Variants in DSG3 observed in about 807,000 individuals in gnomAD.
The protein encoded by DSG3 is desmoglein 3, also known as desmoglein-3.
In DSG3, 63 loss-of-function variants were observed where a neutral mutation model predicts 85.9. The ratio of observed to expected loss-of-function variants is 0.73; its 90% CI spans 0.60 to 0.90. The LOEUF is 0.90. Among genes scored for constraint, DSG3 ranks in the 40% least tolerant of loss-of-function variants. The pLI, the probability that DSG3 is intolerant of heterozygous loss-of-function variation, is 0.00. For synonymous variants in DSG3, 447 were observed against 441.9 expected (o/e 1.01, Z -0.14); for missense variants, 1,220 against 1,219.9 (o/e 1.00, Z 0.00).
chr18:31,475,632 T>G lies in DSG3; in HGVS notation c.2386-14T>G, dbSNP rs773438952. 1.2e-6 allele frequency: 2 copies of G among 1,601,724 alleles called. No individual in the cohort carries two copies. The highest frequency in any genetic ancestry group is 2.2e-5 in the South Asian group (2 of 89,212). On this transcript the variant is annotated splice_polypyrimidine_tract_variant and intron_variant, in intron 15 of 15. Transcript: ENST00000257189. ...TCTTAAAATTCATTTTTTCCCACTT[T>G]TTCTCTGTCTTAGAAAGCATTTGCC...
chr18:31,458,535 G>A lies in DSG3; in HGVS notation c.307G>A (p.Asp103Asn). ...DQPPFGIFVV[D>N]KNTGDINITA... Reference sequence around the variant, plus strand: ...GCCGCCTTTTGGAATCTTTGTTGTTGACAAAAACACTGGAGATATTAACAT... The same window carrying A: ...GCCGCCTTTTGGAATCTTTGTTGTTAACAAAAACACTGGAGATATTAACAT... Residue 103 changes from aspartate (D) to asparagine (N), a missense_variant, in exon 4 of 16, where the codon GAC (aspartate) becomes AAC (asparagine). By Grantham distance (23) the Asp-to-Asn change is conservative. Coordinates refer to ENST00000257189, the MANE Select transcript of DSG3 (RefSeq NM_001944.3). 2.5e-6 allele frequency: 4 copies of A among 1,613,994 alleles called. No homozygotes were observed. The highest frequency in any genetic ancestry group is 3.4e-6 in the Non-Finnish European group (4 of 1,179,938).
At chr18:31,469,436 G>A in intron 12 of DSG3, 87 bp downstream of exon 12, 1 of 1,522,380 alleles carries the variant, frequency 6.6e-7, no homozygotes, top group Non-Finnish European at 8.8e-7. Flanking sequence ...TGTGCAATGG[G>A]GAAAGAATAT....
intron 1 of DSG3, among the ~76,000 whole-genome samples, chr18:31,448,911 G>A (rs923546937): frequency 6.6e-6 from 1 of 151,992 alleles, no homozygotes; most frequent in Non-Finnish European, 1.5e-5. Flanking sequence ...TTTTGTTTTT[G>A]TTTTTGTTTT....
rs772960249 is a variant in DSG3, at chr18:31,460,848, C to T, written c.700C>T (p.Arg234Cys). 6.3e-6 allele frequency: 10 copies of T among 1,580,678 alleles called. No homozygotes were observed. Among genetic ancestry groups the T allele is most frequent in the South Asian group, 2.4e-5 (2 of 83,702 alleles). Reference sequence around the variant, plus strand: ...CCAAAATTAGCAAGCTAGCAGCTATCGTCTGGTTGTGAGTGGTGCAGACAA... The same window carrying T: ...CCAAAATTAGCAAGCTAGCAGCTATTGTCTGGTTGTGAGTGGTGCAGACAA... The part of the protein sequence containing the change: ...SLDREQASSY[R>C]LVVSGADKDG... Residue 234 changes from arginine (R) to cysteine (C), a missense_variant, in exon 7 of 16, where the codon CGT (arginine) becomes TGT (cysteine). By Grantham distance (180) the Arg-to-Cys change is radical. Coordinates refer to ENST00000257189, the MANE Select transcript of DSG3 (RefSeq NM_001944.3).
At chr18:31,450,617 T>C (rs2072705970) in intron 1 of DSG3, among the ~76,000 whole-genome samples, 1 of 152,192 alleles carries the variant, frequency 6.6e-6, no homozygotes, top group African/African-American at 2.4e-5. Flanking sequence ...TGACCATACA[T>C]GGGTTGCCCA....
chr18:31,469,064 G>A (rs752630114), intron 11 of DSG3, 25 bp from the exon 12 acceptor site: 2 of 1,608,824 alleles, frequency 1.2e-6, no homozygotes, highest in South Asian at 1.1e-5. Flanking sequence ...TCCTACTGTT[G>A]ATTTGCATGA....
intron 8 of DSG3, among the ~76,000 whole-genome samples, chr18:31,462,169 C>T (rs2072790781): frequency 6.6e-6 from 1 of 152,032 alleles, no homozygotes; most frequent in Non-Finnish European, 1.5e-5. Context: ...ACCTCCCAGG[C>T]CCCAGTGATC....
rs1221811040 is a variant in DSG3 at position 31,475,935 on chromosome 18, A to C, written c.2675A>C (p.Gln892Pro). 3.1e-6 allele frequency: 5 copies of C among 1,614,128 alleles called. No individual in the cohort carries two copies. Among genetic ancestry groups the C allele is most frequent in the Non-Finnish European group, 4.2e-6 (5 of 1,180,062 alleles). Residue 892 changes from glutamine (Q) to proline (P), a missense_variant, in exon 16 of 16, where the codon CAG becomes CCG. By Grantham distance (76) the Gln-to-Pro change is moderately conservative. Transcript: ENST00000257189. Reference sequence around the variant, plus strand: ...TGTGGCCATCCCATAGAAGTCCAGCAGACAGGATTTGTTAAGTGCCAGACT... The same window carrying C: ...TGTGGCCATCCCATAGAAGTCCAGCCGACAGGATTTGTTAAGTGCCAGACT... ...ESCGHPIEVQ[Q>P]TGFVKCQTLS...
intron 4 of DSG3, 92 bp from the exon 5 acceptor site, chr18:31,458,941 T>C: frequency 1.4e-6 from 2 of 1,426,864 alleles, no homozygotes; most frequent in Non-Finnish European, 1.9e-6. Context: ...ACAAAAGTGA[T>C]GTCCATGCCA....
rs774536240 is a variant in DSG3, at chr18:31,476,389, C to G, written c.*129C>G. On this transcript the variant is annotated 3_prime_UTR_variant, in exon 16 of 16. Coordinates refer to ENST00000257189, the MANE Select transcript of DSG3 (RefSeq NM_001944.3). ...TTATTAGCTTCTCTCATAAACTGATCACGATTATAAATTAAATGTTTGGGT... is the reference window on the plus strand; with the variant it reads ...TTATTAGCTTCTCTCATAAACTGATGACGATTATAAATTAAATGTTTGGGT... 9.2e-7 allele frequency: 1 copy of G among 1,092,640 alleles called. No homozygotes were observed. Among genetic ancestry groups the G allele is most frequent in the Non-Finnish European group, 1.3e-6 (1 of 782,152 alleles). The allele number at this position is 1,092,640 out of a possible 1,614,324, so 67.7% of individuals were successfully genotyped here.
intron 15 of DSG3, among the ~76,000 whole-genome samples, 190 bp downstream of exon 15, chr18:31,474,594 A>G (rs945624210): frequency 1.3e-5 from 2 of 152,184 alleles, no homozygotes; most frequent in Non-Finnish European, 2.9e-5. Flanking sequence ...GTCACTGATC[A>G]AAAGAAGAAT....
At position 31,447,909 on chromosome 18, in the gene DSG3, C is replaced by A; in HGVS notation, c.32C>A (p.Ala11Asp). Residue 11 changes from alanine (A) to aspartate (D), a missense_variant, in exon 1 of 16, where the codon GCT becomes GAT. Transcript: ENST00000257189. ...GGGCTCTTCCCCAGAACTACAGGGG[C>A]TCTGGCCATCTTCGTGGTAAGTCCT... MMGLFPRTTG[A>D]LAIFVVVILV... 6.3e-7 allele frequency: 1 copy of A among 1,586,562 alleles called. No homozygotes were observed. Among genetic ancestry groups the A allele is most frequent in the Non-Finnish European group, 8.6e-7 (1 of 1,168,364 alleles).
At chr18:31,456,196 T>A (rs1160016392) in intron 1 of DSG3, among the ~76,000 whole-genome samples, 1 of 152,222 alleles carries the variant, frequency 6.6e-6, no homozygotes, top group Non-Finnish European at 1.5e-5. Context: ...AATAGGTTCT[T>A]CTTTATGTCA....
intron 1 of DSG3, among the ~76,000 whole-genome samples, chr18:31,452,298 A>T (rs2072716143): frequency 6.6e-6 from 1 of 152,144 alleles, no homozygotes. Context: ...AGGCAGGCAG[A>T]TCACGAGGTC....
intron 15 of DSG3, 152 bp downstream of exon 15, chr18:31,474,556 G>C (rs915818008): frequency 3.0e-6 from 3 of 1,002,380 alleles, no homozygotes; most frequent in Non-Finnish European, 4.3e-6. Context: ...AAATAATACA[G>C]ATAACCTAAG....
At position 31,476,773 on chromosome 18, in the gene DSG3, C is replaced by A. The variant is rs1207931837; in HGVS notation, c.*513C>A. 2 of 152,096 alleles carry A rather than the reference C, an allele frequency of 1.3e-5. No individual in the cohort carries two copies. The highest frequency in any genetic ancestry group is 2.9e-5 in the Non-Finnish European group (2 of 68,160). The allele number at this position is 152,096 out of a possible 1,614,324, so 9.4% of individuals were successfully genotyped here. A position where few individuals can be genotyped will look rare whatever the true frequency, so the allele number is the denominator to read the frequency against. On this transcript the variant is annotated 3_prime_UTR_variant, in exon 16 of 16. Transcript: ENST00000257189. The stretch of plus-strand genomic sequence containing the variant: ...AGGAGATCGAGACCATCCTGGCTAA[C>A]AAGGTGAAACCCCGTCTCTACTAAA...
chr18:31,457,014 G>A lies in DSG3; in HGVS notation c.106G>A (p.Glu36Lys). Reference protein sequence around the residue: ...RIETKGQYDEEEMTMQQAKRR... With the variant: ...RIETKGQYDEKEMTMQQAKRR... ...TAAGACTAAAGGTCAATATGATGAA[G>A]AAGAGATGACTATGCAACAAGCTAA... The change falls in exon 3 of 16, where the codon GAA becomes AAA. Residue 36 changes from glutamate (E) to lysine (K), a missense_variant. By Grantham distance (56) the Glu-to-Lys change is moderately conservative. Transcript: ENST00000257189. 6.2e-7 allele frequency: 1 copy of A among 1,611,878 alleles called. No individual in the cohort carries two copies. Among genetic ancestry groups the A allele is most frequent in the Non-Finnish European group, 8.5e-7 (1 of 1,179,088 alleles).
At position 31,478,695 on chromosome 18, in the gene DSG3, A is replaced by G. The variant is rs974500891; in HGVS notation, c.*2435A>G. On this transcript the variant is annotated 3_prime_UTR_variant, in exon 16 of 16. Transcript: ENST00000257189. ...AAACAGGCAATAAATTTATAAATAA[A>G]AGCTGAACTACTCTCTATATTAATA... 1 of 152,242 alleles carries G rather than the reference A, an allele frequency of 6.6e-6. No homozygotes were observed. Among genetic ancestry groups the G allele is most frequent in the Admixed American group, 6.5e-5 (1 of 15,274 alleles). 9.4% of individuals were successfully genotyped at this position (152,242 alleles called of 1,614,324 possible). A position where few individuals can be genotyped will look rare whatever the true frequency, so the allele number is the denominator to read the frequency against.
At chr18:31,450,974 G>A (rs1399184229) in intron 1 of DSG3, among the ~76,000 whole-genome samples, 1 of 152,040 alleles carries the variant, frequency 6.6e-6, no homozygotes, top group Admixed American at 6.6e-5. Flanking sequence ...GAGCTAAAAA[G>A]TATATCAAAA....
Sources: allele counts gnomAD v4.1 joint callset (sites outside exome capture counted in the v4.1 genomes callset), GRCh38; gene constraint gnomAD v4.1.1; transcripts MANE v1.5; gene names NCBI Gene and HGNC (gene_info 2026-07-23, HGNC 2026-07-21).